Variants in TRIM37 observed in about 807,000 individuals in gnomAD.
TRIM37 encodes the protein tripartite motif containing 37.
In TRIM37, 80 loss-of-function variants were observed where a neutral mutation model predicts 129.8. The ratio of observed to expected loss-of-function variants is 0.62; its 90% CI spans 0.51 to 0.74. The LOEUF is 0.74. TRIM37 is among the 30% of genes least tolerant of loss of function. TRIM37 has a pLI of 0.00. For missense variants in TRIM37, 1,054 were observed against 1,176.5 expected, an observed-to-expected ratio of 0.90 and a Z score of 1.52; for synonymous variants, 389 against 387.1, an observed-to-expected ratio of 1.00 and a Z score of -0.06.
rs1483984096 is a variant in TRIM37, at chr17:58,999,028, A to G, written c.*349T>C. Reference sequence around the variant, plus strand: ...GTAGAGCACCAATGCCGGGCGGGTTACTGACGGCATGCAGGGCCTGGAGGT... The same window carrying G: ...GTAGAGCACCAATGCCGGGCGGGTTGCTGACGGCATGCAGGGCCTGGAGGT... On this transcript the variant is annotated 3_prime_UTR_variant, in exon 24 of 24. Transcript: ENST00000262294. 1 of 1,128,930 alleles carries G rather than the reference A, an allele frequency of 8.9e-7. No individual in the cohort carries two copies. The highest frequency in any genetic ancestry group is 2.2e-5 in the South Asian group (1 of 46,002). 69.9% of individuals were successfully genotyped at this position (1,128,930 alleles called of 1,614,324 possible).
chr17:59,075,143 C>T lies in TRIM37; in HGVS notation c.684+504G>A, dbSNP rs777541703. On this transcript the variant is annotated intron_variant, in intron 8 of 23. Transcript: ENST00000262294. ...ATGTAGTTCTAATGCAGTTCCCAAACATGAAGAAAAAACTTGGCAAGAATC... is the reference window on the plus strand; with the variant it reads ...ATGTAGTTCTAATGCAGTTCCCAAATATGAAGAAAAAACTTGGCAAGAATC... Among the ~76,000 whole-genome samples, 5 of 151,944 alleles carry T rather than the reference C, an allele frequency of 3.3e-5. No homozygotes were observed. In the South Asian group the frequency reaches 1.0e-3, roughly 31 times the overall value.
At chr17:59,087,952 T>C (rs915291984) in intron 4 of TRIM37, 1 of 432,510 alleles carries the variant, frequency 2.3e-6, no homozygotes. Flanking sequence ...GTCCCTTAAA[T>C]GACTTAACAC....
chr17:59,027,422 A>C (rs1041528351), intron 19 of TRIM37, among the ~76,000 whole-genome samples: 1 of 152,168 alleles, frequency 6.6e-6, no homozygotes, highest in Admixed American at 6.5e-5. Flanking sequence ...AGCCCTGCTG[A>C]TCTAAGACTG....
intron 15 of TRIM37, 113 bp from the exon 16 acceptor site, chr17:59,047,932 A>G (rs551147855): frequency 7.8e-6 from 10 of 1,274,782 alleles, no homozygotes; most frequent in Admixed American, 1.8e-5. Context: ...TCAAAAATCT[A>G]TTTTCTGCTC....
intron 16 of TRIM37, among the ~76,000 whole-genome samples, chr17:59,042,704 A>T (rs1361054929): frequency 6.6e-6 from 1 of 151,636 alleles, no homozygotes; most frequent in African/African-American, 2.4e-5. Context: ...TGGAGGTTGT[A>T]GTGAGCCAAG....
intron 16 of TRIM37, among the ~76,000 whole-genome samples, chr17:59,042,441 A>AT (rs1555661491): frequency 4.3e-4 from 36 of 84,428 alleles, no homozygotes; most frequent in African/African-American, 2.0e-3. Context: ...TAAAAAAAAA[A>AT]AAAAAAAAAT....
chr17:59,056,747 A>AAAAAAAAAAAAAAAAAAAAAT, intron 13 of TRIM37, 128 bp downstream of exon 13: 1 of 427,110 alleles, frequency 2.3e-6, no homozygotes, highest in Non-Finnish European at 4.1e-6. Flanking sequence ...AAAAAAAAAA[A>AAAAAAAAAAAAAAAAAAAAAT]GGTGATAAGG....
In TRIM37 at chr17:59,010,449, G is replaced by A. The variant is rs78725072; in HGVS notation, c.2695+1879C>T. Among the ~76,000 whole-genome samples the A allele has an allele frequency of 9.6e-3, 1,457 of 152,224 alleles. 9 individuals carry two copies. The highest frequency in any genetic ancestry group is 0.02 in the Middle Eastern group (6 of 294). ...ATCACTGGCATCAAATGCAACATCC[G>A]GTAAATTAGAAGCATTTCATAAATG... On this transcript the variant is annotated intron_variant, in intron 22 of 23. Transcript: ENST00000262294.
intron 2 of TRIM37, among the ~76,000 whole-genome samples, chr17:59,097,342 G>T (rs1211839772): frequency 6.6e-6 from 1 of 152,022 alleles, no homozygotes; most frequent in Admixed American, 6.6e-5. Context: ...AAAAAGAAGT[G>T]AAATTATCTT....
intron 10 of TRIM37, among the ~76,000 whole-genome samples, chr17:59,063,221 C>T (rs919861183): frequency 2.0e-5 from 3 of 151,602 alleles, no homozygotes; most frequent in African/African-American, 7.3e-5. Context: ...CTCTTGTTGC[C>T]CAGGCTGGAG....
chr17:59,084,151 AT>A (rs2043550265), intron 4 of TRIM37, 62 bp from the exon 5 acceptor site: 1 of 1,333,514 alleles, frequency 7.5e-7, no homozygotes, highest in Non-Finnish European at 1.1e-6. Context: ...ACCTCCACAA[AT>A]TCTTAAGCTT....
At chr17:59,027,072 T>C (rs1381461762) in intron 19 of TRIM37, among the ~76,000 whole-genome samples, 1 of 152,194 alleles carries the variant, frequency 6.6e-6, no homozygotes, top group Non-Finnish European at 1.5e-5. Context: ...TGGATTTAAA[T>C]AATATAAAAT....
chr17:59,096,132 C>T (rs758561303), intron 2 of TRIM37, among the ~76,000 whole-genome samples: 12 of 152,086 alleles, frequency 7.9e-5, no homozygotes, highest in Non-Finnish European at 1.6e-4. Context: ...TTTCCAAAAA[C>T]CTGTAAGAAT....
At chr17:59,066,664 CAG>C (rs1445109955) in intron 9 of TRIM37, among the ~76,000 whole-genome samples, 1 of 152,196 alleles carries the variant, frequency 6.6e-6, no homozygotes, top group East Asian at 1.9e-4. Context: ...GCACAGAAAA[CAG>C]GTACTGTGAT....
At chr17:59,042,666 G>A (rs540399218) in intron 16 of TRIM37, among the ~76,000 whole-genome samples, 2 of 150,890 alleles carry the variant, frequency 1.3e-5, no homozygotes, top group South Asian at 2.1e-4. Flanking sequence ...GGGAGGCTGA[G>A]GCAGCAGAAT....
At chr17:59,071,355 G>A (rs1450395295) in intron 8 of TRIM37, among the ~76,000 whole-genome samples, 4 of 146,560 alleles carry the variant, frequency 2.7e-5, no homozygotes, top group Admixed American at 7.0e-5. Context: ...GCGCGATCTC[G>A]GCTCACTGCA....
chr17:58,972,339 G>T, the TRIM37 span: 1 of 1,512,410 alleles, frequency 6.6e-7, no homozygotes, highest in Non-Finnish European at 8.9e-7. Flanking sequence ...TCTAGTTATT[G>T]ATTAGGATTC....
At chr17:58,985,025 A>T (rs759861034) in intron 24 of TRIM37, 1 of 152,628 alleles carries the variant, frequency 6.6e-6, no homozygotes, top group African/African-American at 2.4e-5. Context: ...TTACCAAATA[A>T]ATTTATCAAT....
intron 13 of TRIM37, among the ~76,000 whole-genome samples, chr17:59,055,197 A>G (rs2040722840): frequency 6.6e-6 from 1 of 151,534 alleles, no homozygotes; most frequent in Non-Finnish European, 1.5e-5. Flanking sequence ...TTAGCCAGGC[A>G]TGGTGGCGCG....
Sources: allele counts gnomAD v4.1 joint callset (sites outside exome capture counted in the v4.1 genomes callset), GRCh38; gene constraint gnomAD v4.1.1; transcripts MANE v1.5; gene names NCBI Gene and HGNC (gene_info 2026-07-23, HGNC 2026-07-21).